CNN3: variants seen among roughly 807,000 people sequenced by gnomAD.
The protein encoded by CNN3 is calponin-3.
Under a neutral mutation model 39.0 loss-of-function variants are expected in CNN3, and 11 were observed. The observed-to-expected ratio is 0.28, with a 90% CI of 0.18 to 0.47. The LOEUF is 0.47. CNN3 is among the 20% of genes least tolerant of loss of function. The pLI, the probability that CNN3 is intolerant of heterozygous loss-of-function variation, is 0.99. For missense variants in CNN3, 266 were observed against 403.4 expected (o/e 0.66, Z 2.92); for synonymous variants, 101 against 138.3 (o/e 0.73, Z 1.89).
chr1:94,902,536 G>T (rs1300920924), intron 3 of CNN3, among the ~76,000 whole-genome samples: 1 of 152,136 alleles, frequency 6.6e-6, no homozygotes, highest in Non-Finnish European at 1.5e-5. Flanking sequence ...ATTTTAAAAG[G>T]ATTCTGTATC....
At chr1:94,903,252 A>G in intron 2 of CNN3, 64 bp from the exon 3 acceptor site, 1 of 1,586,212 alleles carries the variant, frequency 6.3e-7, no homozygotes, top group Non-Finnish European at 8.6e-7. Flanking sequence ...TTGAAATATC[A>G]AGTTGCTCCC....
At position 94,926,067 on chromosome 1, in the gene CNN3, T is replaced by G. The variant is rs935420952; in HGVS notation, c.57+771A>C. The stretch of plus-strand genomic sequence containing the variant: ...CAATCGCTCCAAACTATAAGCCGCC[T>G]CAGCAAACAAGCCCCAAACAAAAGC... On this transcript the variant is annotated intron_variant, in intron 1 of 6. Coordinates refer to ENST00000370206, the MANE Select transcript of CNN3 (RefSeq NM_001839.5). This position sits in a 1 kb window ranked among gnomAD's most constrained non-coding sequence, Gnocchi z 4.2. Among the ~76,000 whole-genome samples the G allele has an allele frequency of 6.6e-6, 1 of 152,124 alleles. No homozygotes were observed. The highest frequency in any genetic ancestry group is 6.5e-5 in the Admixed American group (1 of 15,270).
chr1:94,898,153 T>C (rs2101714047), intron 6 of CNN3, 70 bp from the exon 7 acceptor site: 1 of 1,420,854 alleles, frequency 7.0e-7, no homozygotes, highest in Non-Finnish European at 9.6e-7. Flanking sequence ...ATTTATAAAT[T>C]ATAGAATTCA....
intron 1 of CNN3, among the ~76,000 whole-genome samples, chr1:94,905,021 T>C (rs142734586): frequency 3.0e-4 from 45 of 152,296 alleles, no homozygotes; most frequent in African/African-American, 1.1e-3. Context: ...AGTTCCAGTC[T>C]ACACCACTCA....
intron 1 of CNN3, among the ~76,000 whole-genome samples, chr1:94,913,250 CA>C (rs1165866948): frequency 6.6e-6 from 1 of 152,116 alleles, no homozygotes; most frequent in African/African-American, 2.4e-5. Context: ...TTGTTTAAAT[CA>C]AAACAGCCCC....
rs544674809 is a variant in CNN3 at position 94,918,438 on chromosome 1, G to A, written c.57+8400C>T. Among the ~76,000 whole-genome samples, 31 of 132,678 alleles carry A rather than the reference G, an allele frequency of 2.3e-4. 2 individuals are homozygous for A. In the South Asian group the frequency reaches 7.6e-3, roughly 33 times the overall value. 87.0% of individuals were successfully genotyped at this position (132,678 alleles called of 152,430 possible). On this transcript the variant is annotated intron_variant, in intron 1 of 6. Coordinates refer to ENST00000370206, the MANE Select transcript of CNN3 (RefSeq NM_001839.5). ...GAACCCGAGAGGCAGAGGTTACAAC[G>A]AGCCGAGATCACACCACGGTATTCC...
In CNN3 at chr1:94,926,418, G is replaced by C. The variant is rs1671581920; in HGVS notation, c.57+420C>G. On this transcript the variant is annotated intron_variant, in intron 1 of 6. Transcript: ENST00000370206. The surrounding 1 kb of genome is among the most constrained non-coding windows in gnomAD (Gnocchi z 4.2). Reference sequence around the variant, plus strand: ...GCACCCGGGGCCCGGGCAGATGGCGGGGGCTGCGGCAGCGGCTCGCCGGGT... The same window carrying C: ...GCACCCGGGGCCCGGGCAGATGGCGCGGGCTGCGGCAGCGGCTCGCCGGGT... 6.6e-6 allele frequency among the ~76,000 whole-genome samples: 1 copy of C among 152,188 alleles called. No individual in the cohort carries two copies. The highest frequency in any genetic ancestry group is 2.4e-5 in the African/African-American group (1 of 41,458).
intron 1 of CNN3, among the ~76,000 whole-genome samples, chr1:94,908,981 A>T (rs1322537758): frequency 1.0e-4 from 2 of 20,036 alleles, no homozygotes; most frequent in South Asian, 3.5e-3. Context: ...CGTCTCTTTA[A>T]AAAAAAAAAA....
chr1:94,900,300 A>G (rs1387324956), intron 5 of CNN3, among the ~76,000 whole-genome samples: 1 of 152,138 alleles, frequency 6.6e-6, no homozygotes, highest in Non-Finnish European at 1.5e-5. Flanking sequence ...AGGAGGGGGG[A>G]AAAATCATTG....
chr1:94,899,606 A>T, intron 5 of CNN3, 89 bp from the exon 6 acceptor site: 1 of 1,384,922 alleles, frequency 7.2e-7, no homozygotes. Flanking sequence ...CCAAAAAGAC[A>T]GAAGGGGCAC....
At chr1:94,918,056 T>C (rs559766436) in intron 1 of CNN3, among the ~76,000 whole-genome samples, 2 of 152,226 alleles carry the variant, frequency 1.3e-5, no homozygotes, top group Non-Finnish European at 2.9e-5. Flanking sequence ...CAGGCAACTA[T>C]GCTATCTGCC....
At chr1:94,904,936 T>C (rs189624680) in intron 1 of CNN3, among the ~76,000 whole-genome samples, 1 of 152,314 alleles carries the variant, frequency 6.6e-6, no homozygotes, top group African/African-American at 2.4e-5. Context: ...GCTGTGTCCA[T>C]AAGACATAGG....
intron 1 of CNN3, among the ~76,000 whole-genome samples, chr1:94,918,748 G>T (rs1671359721): frequency 6.6e-6 from 1 of 151,922 alleles, no homozygotes; most frequent in Non-Finnish European, 1.5e-5. Flanking sequence ...ACAAAAATTA[G>T]CTGGGCATGG....
chr1:94,926,764 A>G lies in CNN3; in HGVS notation c.57+74T>C. On this transcript the variant is annotated intron_variant, in intron 1 of 6. Transcript: ENST00000370206. The surrounding 1 kb of genome is among the most constrained non-coding windows in gnomAD (Gnocchi z 4.2). ...CGGTGAGCCACAGCGCGAAGAGCAA[A>G]CGAAGCACGGCCCAGCGCCAGGCCA... is the stretch of plus-strand genomic sequence containing the variant. 6.7e-7 allele frequency: 1 copy of G among 1,501,866 alleles called. No homozygotes were observed. The highest frequency in any genetic ancestry group is 2.4e-5 in the East Asian group (1 of 41,362). The allele number at this position is 1,501,866 out of a possible 1,614,324, so 93.0% of individuals were successfully genotyped here. A position where few individuals can be genotyped will look rare whatever the true frequency, so the allele number is the denominator to read the frequency against.
intron 1 of CNN3, among the ~76,000 whole-genome samples, chr1:94,909,818 A>G (rs1272955737): frequency 2.6e-5 from 4 of 152,104 alleles, no homozygotes; most frequent in Admixed American, 6.5e-5. Context: ...GCGCTGTTGA[A>G]TGGTACTTCT....
chr1:94,906,905 G>A (rs1412952973), intron 1 of CNN3, among the ~76,000 whole-genome samples: 1 of 152,190 alleles, frequency 6.6e-6, no homozygotes, highest in Non-Finnish European at 1.5e-5. Context: ...TTGGTGCCAT[G>A]CCCCAAACCA....
intron 1 of CNN3, among the ~76,000 whole-genome samples, chr1:94,918,165 A>G (rs1425903082): frequency 6.6e-6 from 1 of 152,190 alleles, no homozygotes; most frequent in Non-Finnish European, 1.5e-5. Context: ...ATCGTATCAG[A>G]CTAATGCACA....
Position 94,926,693 on chromosome 1 carries a change from C to T in CNN3, c.57+145G>A, listed in dbSNP as rs1671592595. 1 of 900,696 alleles carries T rather than the reference C, an allele frequency of 1.1e-6. No individual in the cohort carries two copies. The highest frequency in any genetic ancestry group is 1.7e-6 in the Non-Finnish European group (1 of 586,396). The allele number at this position is 900,696 out of a possible 1,614,324, so 55.8% of individuals were successfully genotyped here. On this transcript the variant is annotated intron_variant, in intron 1 of 6. Transcript: ENST00000370206. The surrounding 1 kb of genome is among the most constrained non-coding windows in gnomAD (Gnocchi z 4.2). The stretch of plus-strand genomic sequence containing the variant: ...GCCCGGGGACTGGACGCGACCGGGA[C>T]AGGCAGAGACGCTCGCGCCGCCTCG...
chr1:94,917,114 G>A lies in CNN3; in HGVS notation c.57+9724C>T, dbSNP rs776958144. Among the ~76,000 whole-genome samples the A allele has an allele frequency of 1.9e-4, 29 of 152,260 alleles. No individual in the cohort carries two copies. In the South Asian group the frequency reaches 2.9e-3, roughly 15 times the overall value. On this transcript the variant is annotated intron_variant, in intron 1 of 6. Transcript: ENST00000370206. ...TGCAATGGCGCGATCTTGGCTCACC[G>A]CAGCCTCTGCCTCCCAGGTTCAAGT...
Sources: allele counts gnomAD v4.1 joint callset (sites outside exome capture counted in the v4.1 genomes callset), GRCh38; gene constraint gnomAD v4.1.1; non-coding constraint Gnocchi (gnomAD v3.1); transcripts MANE v1.5; gene names NCBI Gene and HGNC (gene_info 2026-07-23, HGNC 2026-07-21).